TFB1M: variants seen among roughly 807,000 people sequenced by gnomAD.
The protein encoded by TFB1M is dimethyladenosine transferase 1, mitochondrial.
In TFB1M, 27 loss-of-function variants were observed where a neutral mutation model predicts 31.1. That is an observed-to-expected ratio of 0.87 (90% CI 0.64 to 1.20). TFB1M has a LOEUF of 1.20. TFB1M is among the 50% of genes most tolerant of loss of function. TFB1M has a pLI of 0.00. For missense variants in TFB1M, 394 were observed against 418.7 expected (o/e 0.94, Z 0.51); for synonymous variants, 166 against 151.8 (o/e 1.09, Z -0.69).
chr6:155,300,129 T>C (rs1336772374), intron 2 of TFB1M, among the ~76,000 whole-genome samples: 1 of 152,152 alleles, frequency 6.6e-6, no homozygotes, highest in East Asian at 1.9e-4. Flanking sequence ...CTTCCCAAAT[T>C]TGTAGGGTCT....
chr6:155,256,578 C>A lies in TFB1M; in HGVS notation c.*1258G>T. The A allele has an allele frequency of 6.2e-7, 1 of 1,614,190 alleles. No individual in the cohort carries two copies. Among genetic ancestry groups the A allele is most frequent in the Non-Finnish European group, 8.5e-7 (1 of 1,180,038 alleles). On this transcript the variant is annotated 3_prime_UTR_variant, in exon 7 of 7. Coordinates refer to ENST00000367166, the MANE Select transcript of TFB1M (RefSeq NM_016020.4). ...GAACCTTGCTGGACTCTGACGAGGG[C>A]AGCTTGAGCAGCGGCACCCAGAGCA...
At chr6:155,298,008 T>C (rs1057321559) in intron 3 of TFB1M, among the ~76,000 whole-genome samples, 1 of 152,228 alleles carries the variant, frequency 6.6e-6, no homozygotes. Context: ...ACCCTATTTA[T>C]CTATGCATTC....
intron 4 of TFB1M, among the ~76,000 whole-genome samples, chr6:155,290,816 G>A (rs550711486): frequency 1.3e-5 from 2 of 152,304 alleles, no homozygotes; most frequent in African/African-American, 4.8e-5. Flanking sequence ...ATCCACAGAT[G>A]TGGTTTAATA....
intron 5 of TFB1M, among the ~76,000 whole-genome samples, chr6:155,274,185 T>C (rs1017822885): frequency 6.6e-6 from 1 of 152,142 alleles, no homozygotes; most frequent in Non-Finnish European, 1.5e-5. Flanking sequence ...AAAATACATA[T>C]GAATCACGAC....
the TFB1M span, among the ~76,000 whole-genome samples, chr6:155,247,842 C>T: frequency 6.6e-6 from 1 of 151,720 alleles, no homozygotes; most frequent in Non-Finnish European, 1.5e-5. Flanking sequence ...CCCACGCTGA[C>T]AGCTGGGTGC....
the TFB1M span, chr6:155,243,958 T>G: frequency 6.7e-7 from 1 of 1,492,446 alleles, no homozygotes; most frequent in Non-Finnish European, 9.3e-7. Context: ...CCAAATCTCA[T>G]GGGTATTTTG....
At chr6:155,259,063 G>C (rs553878610) in intron 6 of TFB1M, among the ~76,000 whole-genome samples, 1 of 152,308 alleles carries the variant, frequency 6.6e-6, no homozygotes, top group African/African-American at 2.4e-5. Context: ...GGAAACGCTA[G>C]TGCCAGCTCT....
chr6:155,294,005 G>A (rs959784650), intron 4 of TFB1M, among the ~76,000 whole-genome samples: 3 of 152,144 alleles, frequency 2.0e-5, no homozygotes, highest in Middle Eastern at 6.8e-3. Context: ...CTGCTTCCTG[G>A]ATTTCATGTC....
intron 5 of TFB1M, among the ~76,000 whole-genome samples, chr6:155,271,376 T>C (rs2114699707): frequency 6.6e-6 from 1 of 152,290 alleles, no homozygotes; most frequent in Admixed American, 6.5e-5. Flanking sequence ...TCACATCATT[T>C]TGGGTAATTT....
intron 5 of TFB1M, chr6:155,264,153 C>G (rs1435305754): frequency 6.6e-6 from 1 of 152,094 alleles, no homozygotes; most frequent in Non-Finnish European, 1.5e-5. Context: ...TCGGGTAAAA[C>G]AACGGAGCAA....
In TFB1M at chr6:155,256,390, CTTAATG is replaced by C. The variant is rs1208892359; in HGVS notation, c.*1440_*1445del. On this transcript the variant is annotated 3_prime_UTR_variant, in exon 7 of 7. Transcript: ENST00000367166. ...CTGAAGTCATATCATAAAATAAAAT[CTTAATG>C]TTAAATCTTACACAAGCTTTGAGGC... 12 of 1,548,090 alleles carry C rather than the reference CTTAATG, an allele frequency of 7.8e-6. No individual in the cohort carries two copies. The highest frequency in any genetic ancestry group is 9.6e-6 in the Non-Finnish European group (11 of 1,143,268).
chr6:155,244,720 C>A, the TFB1M span: 2 of 1,613,590 alleles, frequency 1.2e-6, no homozygotes, highest in Non-Finnish European at 1.7e-6. Context: ...TTCTGGAGAC[C>A]CTGGAGGATG....
At chr6:155,291,288 G>GA (rs1776913190) in intron 4 of TFB1M, among the ~76,000 whole-genome samples, 1 of 152,140 alleles carries the variant, frequency 6.6e-6, no homozygotes. Flanking sequence ...GCTTGGTGTG[G>GA]AAAAAACCCA....
In TFB1M at chr6:155,260,397, CCACCTT is replaced by C; in HGVS notation, c.667-3_669del. ...GGAGTGAAGTGCACCACGCCCACGT[CCACCTT>C]CGTTGTAAGCAAACATATTATCATT... On this transcript the variant is annotated splice_acceptor_variant and splice_polypyrimidine_tract_variant and coding_sequence_variant and intron_variant, in exon 6 of 7. Coordinates refer to ENST00000367166, the MANE Select transcript of TFB1M (RefSeq NM_016020.4). LOFTEE classifies it high-confidence loss of function. 1 of 1,614,242 alleles carries C rather than the reference CCACCTT, an allele frequency of 6.2e-7. No homozygotes were observed. Among genetic ancestry groups the C allele is most frequent in the South Asian group, 1.1e-5 (1 of 91,082 alleles).
At chr6:155,258,138 C>T (rs1304753512) in intron 6 of TFB1M, 56 bp from the exon 7 acceptor site, 1 of 1,600,228 alleles carries the variant, frequency 6.2e-7, no homozygotes, top group Non-Finnish European at 8.6e-7. Flanking sequence ...TTCTGCAAAT[C>T]ATGACACTTT....
chr6:155,286,503 A>ATATATATGTATATATATACATGTG (rs1562407567), intron 4 of TFB1M, among the ~76,000 whole-genome samples: 91 of 140,518 alleles, frequency 6.5e-4, no homozygotes, highest in African/African-American at 1.5e-3. Flanking sequence ...ATATGTGTGT[A>ATATATATGTATATATATACATGTG]TATATATGTG....
In TFB1M at chr6:155,257,877, C is replaced by CA; in HGVS notation, c.999dup (p.Glu334Ter). Reference sequence around the variant, plus strand: ...TCTGCGTCATCCTCTTCTTTTTCTTCATTTTTGCTTTTTCTTCGCTTGAGT... The same window carrying CA: ...TCTGCGTCATCCTCTTCTTTTTCTTCAATTTTTGCTTTTTCTTCGCTTGAGT... On this transcript the variant is annotated frameshift_variant, in exon 7 of 7. Transcript: ENST00000367166. LOFTEE classifies it low-confidence loss of function (END_TRUNC). 1.2e-6 allele frequency: 2 copies of CA among 1,614,156 alleles called. No individual in the cohort carries two copies. Among genetic ancestry groups the CA allele is most frequent in the Non-Finnish European group, 1.7e-6 (2 of 1,179,994 alleles).
In TFB1M at chr6:155,311,491, T is replaced by C. The variant is rs1250028366; in HGVS notation, c.134-152A>G. The C allele has an allele frequency of 8.4e-6, 6 of 710,820 alleles. No homozygotes were observed. In the East Asian group the frequency reaches 1.6e-4, roughly 19 times the overall value. The allele number at this position is 710,820 out of a possible 1,614,324, so 44.0% of individuals were successfully genotyped here. On this transcript the variant is annotated intron_variant, in intron 1 of 6. Coordinates refer to ENST00000367166, the MANE Select transcript of TFB1M (RefSeq NM_016020.4). ...TTATTTGACTATTTAACTCTCTACC[T>C]AAATTAACATGAAGTGGCAATCGAA...
Position 155,266,742 on chromosome 6 carries a change from G to A in TFB1M, c.667-6342C>T, listed in dbSNP as rs552755011. On this transcript the variant is annotated intron_variant, in intron 5 of 6. Coordinates refer to ENST00000367166, the MANE Select transcript of TFB1M (RefSeq NM_016020.4). ...GCCGCCTGTAGTCCCCGCTACTTGG[G>A]AGGCTGAGGCAGGAGAATGGCGTGA... 6.7e-5 allele frequency among the ~76,000 whole-genome samples: 10 copies of A among 150,328 alleles called. No individual in the cohort carries two copies. In the South Asian group the frequency reaches 1.7e-3, roughly 25 times the overall value.
Sources: gnomAD v4.1 joint callset for allele counts (sites outside exome capture counted in the v4.1 genomes callset) on GRCh38, gnomAD v4.1.1 for gene constraint, MANE v1.5 for transcripts, NCBI Gene and HGNC (gene_info 2026-07-23, HGNC 2026-07-21) for gene names.